USP37: variants seen among roughly 807,000 people sequenced by gnomAD.
The protein encoded by USP37 is ubiquitin carboxyl-terminal hydrolase 37.
Under a neutral mutation model 124.0 loss-of-function variants are expected in USP37, and 27 were observed. That is an observed-to-expected ratio of 0.22 (90% CI 0.16 to 0.30). The LOEUF (loss-of-function observed/expected upper bound fraction) is 0.30, where lower values mean the gene tolerates loss of function less well. Ranked by LOEUF, USP37 falls within the 10% of genes least tolerant of loss-of-function variation. The probability of loss-of-function intolerance (pLI) is 1.00; values close to 1 mark genes in which losing one functional copy is unlikely to be tolerated. For missense variants in USP37, 889 were observed against 1,140.4 expected, an observed-to-expected ratio of 0.78 and a Z score of 3.17; for synonymous variants, 365 against 388.0, an observed-to-expected ratio of 0.94 and a Z score of 0.70.
At chr2:218,512,696 A>G (rs1043426271) in intron 10 of USP37, among the ~76,000 whole-genome samples, 9 of 152,070 alleles carry the variant, frequency 5.9e-5, no homozygotes, top group Non-Finnish European at 1.0e-4. Flanking sequence ...CTCTAACCTA[A>G]AAGTCGGCAT....
At chr2:218,502,564 A>G (rs574086688) in intron 11 of USP37, among the ~76,000 whole-genome samples, 1 of 152,294 alleles carries the variant, frequency 6.6e-6, no homozygotes, top group South Asian at 2.1e-4. Flanking sequence ...CACAGATCCA[A>G]GAAGCTCAAC....
intron 8 of USP37, among the ~76,000 whole-genome samples, chr2:218,543,630 G>A (rs1256826133): frequency 2.7e-5 from 4 of 150,588 alleles, no homozygotes; most frequent in Non-Finnish European, 5.9e-5. Flanking sequence ...GGCTAACACC[G>A]TGAAACCCTG....
rs1691224571 is a variant in USP37, at chr2:218,530,005, T to C, written c.814A>G (p.Ser272Gly). 2.5e-6 allele frequency: 4 copies of C among 1,613,608 alleles called. No individual in the cohort carries two copies. In the East Asian group the frequency reaches 8.9e-5, roughly 36 times the overall value. Reference sequence around the variant, plus strand: ...GAGTGTTCCTTGGATCCAGCTCTGCTACCATAAAAGGATGATGACTGTAAA... The same window carrying C: ...GAGTGTTCCTTGGATCCAGCTCTGCCACCATAAAAGGATGATGACTGTAAA... ...LPLQSSSFYGSRAGSKEHSSG... is the reference protein window; with the variant it reads ...LPLQSSSFYGGRAGSKEHSSG... The change falls in exon 10 of 26, where the codon AGC becomes GGC. Residue 272 changes from serine (S) to glycine (G), a missense_variant. Ser to Gly is a moderately conservative substitution (Grantham distance 56). This residue lies in a region of USP37 where 374 missense variants were observed against 386.0 expected (regional missense o/e 0.97). Coordinates refer to ENST00000258399, the MANE Select transcript of USP37 (RefSeq NM_020935.3).
Position 218,503,422 on chromosome 2 carries a change from T to C in USP37, c.1026-5265A>G, listed in dbSNP as rs147146742. On this transcript the variant is annotated intron_variant, in intron 11 of 25. Transcript: ENST00000258399. ...CGTATTGTGGGATGTATAACATACA[T>C]AGAAGTAAAATGGGCTGGGCGCGGT... is the stretch of plus-strand genomic sequence containing the variant. 3.8e-4 allele frequency among the ~76,000 whole-genome samples: 58 copies of C among 152,322 alleles called. 1 individual carries two copies. In the East Asian group the frequency reaches 0.01, roughly 27 times the overall value.
rs1000005302 is a variant in USP37, at chr2:218,546,152, C to T, written c.680+69G>A. 4 of 1,263,822 alleles carry T rather than the reference C, an allele frequency of 3.2e-6. No homozygotes were observed. In the African/African-American group the frequency reaches 6.0e-5, roughly 19 times the overall value. The allele number at this position is 1,263,822 out of a possible 1,614,324, so 78.3% of individuals were successfully genotyped here. A position where few individuals can be genotyped will look rare whatever the true frequency, so the allele number is the denominator to read the frequency against. The stretch of plus-strand genomic sequence containing the variant: ...AATTAAAACCATTTCCCCAATCTTC[C>T]CCAGTGGTTACAAATACCAATATAA... On this transcript the variant is annotated intron_variant, in intron 8 of 25. Transcript: ENST00000258399.
rs368696844 is a variant in USP37 at position 218,523,187 on chromosome 2, C to T, written c.863+6769G>A. Among the ~76,000 whole-genome samples the T allele has an allele frequency of 3.0e-4, 46 of 152,020 alleles. No homozygotes were observed. In the East Asian group the frequency reaches 3.7e-3, roughly 12 times the overall value. ...CTGAGGCAGGAGAATCGCTTGAACC[C>T]GGGAAGCGGAGGTTGCAGTGAGCCA... On this transcript the variant is annotated intron_variant, in intron 10 of 25. Coordinates refer to ENST00000258399, the MANE Select transcript of USP37 (RefSeq NM_020935.3).
At chr2:218,491,071 G>A (rs556468) in intron 14 of USP37, among the ~76,000 whole-genome samples, 100,863 of 152,028 alleles carry the variant, frequency 0.66, 33,910 homozygotes, top group East Asian at 0.9. Context: ...AGAGGGTATC[G>A]CTATGTTGTC....
chr2:218,516,621 T>C (rs369319935), intron 10 of USP37, among the ~76,000 whole-genome samples: 16 of 152,242 alleles, frequency 1.1e-4, no homozygotes, highest in East Asian at 9.6e-4. Context: ...GACAGGTTGA[T>C]AGGTGCAGCA....
At chr2:218,461,368 T>A (rs1331377571) in intron 22 of USP37, among the ~76,000 whole-genome samples, 1 of 152,032 alleles carries the variant, frequency 6.6e-6, no homozygotes, top group African/African-American at 2.4e-5. Context: ...TAGCTGGGCA[T>A]GGTGGCACAT....
chr2:218,512,207 C>T (rs922061849), intron 10 of USP37, among the ~76,000 whole-genome samples: 2 of 152,022 alleles, frequency 1.3e-5, no homozygotes, highest in Non-Finnish European at 1.5e-5. Flanking sequence ...GACACTGTCT[C>T]TATTATTTTA....
At chr2:218,557,858 G>T (rs965015980) in intron 4 of USP37, among the ~76,000 whole-genome samples, 2 of 138,598 alleles carry the variant, frequency 1.4e-5, no homozygotes, top group Non-Finnish European at 3.0e-5. Context: ...TTGAACCCGG[G>T]AGGCAGAGGT....
chr2:218,535,137 G>A (rs1033341281), intron 8 of USP37, among the ~76,000 whole-genome samples: 3 of 151,320 alleles, frequency 2.0e-5, no homozygotes, highest in South Asian at 2.1e-4. Context: ...AGGCTGAGGC[G>A]GGCAGATCGC....
chr2:218,486,910 TAGA>T (rs1691603524), intron 15 of USP37, among the ~76,000 whole-genome samples: 1 of 152,022 alleles, frequency 6.6e-6, no homozygotes, highest in Admixed American at 6.6e-5. Flanking sequence ...GTATTTCTAG[TAGA>T]GACAGGGTTT....
At chr2:218,488,172 T>C (rs1378000383) in intron 15 of USP37, 132 bp downstream of exon 15, 5 of 496,810 alleles carry the variant, frequency 1.0e-5, no homozygotes, top group Non-Finnish European at 9.7e-6. Context: ...TGAGACCCTG[T>C]CTCAAAAAAA....
chr2:218,471,027 G>A (rs1690654224), intron 20 of USP37, among the ~76,000 whole-genome samples: 1 of 152,180 alleles, frequency 6.6e-6, no homozygotes, highest in Non-Finnish European at 1.5e-5. Context: ...TGGAGACTGA[G>A]AAAACAAATA....
chr2:218,472,337 G>A (rs1181626102), intron 20 of USP37, among the ~76,000 whole-genome samples: 2 of 152,090 alleles, frequency 1.3e-5, no homozygotes, highest in Non-Finnish European at 2.9e-5. Context: ...TTCACTAGAT[G>A]CTGTCTTTGG....
rs2106400984 is a variant in USP37, at chr2:218,453,281, G to A, written c.*1649C>T. On this transcript the variant is annotated 3_prime_UTR_variant, in exon 26 of 26. Coordinates refer to ENST00000258399, the MANE Select transcript of USP37 (RefSeq NM_020935.3). ...TGTTTTTGTTTTCGTTTTTTTTAAT[G>A]AGATGGAGTCTCACTCTGTCACTCA... is the stretch of plus-strand genomic sequence containing the variant. The A allele has an allele frequency of 6.6e-6, 1 of 151,862 alleles. No individual in the cohort carries two copies. The highest frequency in any genetic ancestry group is 2.4e-5 in the African/African-American group (1 of 41,448). The allele number at this position is 151,862 out of a possible 1,614,324, so 9.4% of individuals were successfully genotyped here.
intron 9 of USP37, among the ~76,000 whole-genome samples, chr2:218,533,346 C>T (rs1340799013): frequency 6.6e-6 from 1 of 152,046 alleles, no homozygotes; most frequent in Non-Finnish European, 1.5e-5. Context: ...ATTAGTATCA[C>T]CCCTACTCTT....
intron 10 of USP37, among the ~76,000 whole-genome samples, chr2:218,527,180 C>A (rs892233237): frequency 6.6e-6 from 1 of 152,178 alleles, no homozygotes; most frequent in Non-Finnish European, 1.5e-5. Context: ...GTCTACCCTG[C>A]ATAGGACTTT....
Sources: allele counts gnomAD v4.1 joint callset (sites outside exome capture counted in the v4.1 genomes callset), GRCh38; gene constraint gnomAD v4.1.1; regional missense constraint gnomAD v4.1.1; transcripts MANE v1.5; gene names NCBI Gene and HGNC (gene_info 2026-07-23, HGNC 2026-07-21).